NEK11: variants seen among roughly 807,000 people sequenced by gnomAD.
NEK11 encodes serine/threonine-protein kinase Nek11.
Under a neutral mutation model 80.7 loss-of-function variants are expected in NEK11, and 72 were observed. The ratio of observed to expected loss-of-function variants is 0.89; its 90% CI spans 0.74 to 1.08. The LOEUF is 1.08. Ranked by LOEUF, NEK11 falls within the 50% of genes least tolerant of loss-of-function variation. The pLI, the probability that NEK11 is intolerant of heterozygous loss-of-function variation, is 0.00. For missense variants in NEK11, 764 were observed against 763.6 expected (o/e 1.00, Z -0.01); for synonymous variants, 251 against 260.7 (o/e 0.96, Z 0.36).
chr3:131,159,117 T>TA (rs1579289339), intron 10 of NEK11, among the ~76,000 whole-genome samples: 1 of 151,984 alleles, frequency 6.6e-6, no homozygotes, highest in East Asian at 1.9e-4. Context: ...TCAAGTAGAA[T>TA]AAAAGGAAAA....
Position 131,260,115 on chromosome 3 carries a change from G to T in NEK11, c.1622-13363G>T, listed in dbSNP as rs111556063. On this transcript the variant is annotated intron_variant, in intron 16 of 17. Coordinates refer to ENST00000383366, the MANE Select transcript of NEK11 (RefSeq NM_024800.5). ...AAGTCATGGGGCTGTCATCTGGAGAGGTGGAGAAATGAGATGGAAGACATA... is the reference window on the plus strand; with the variant it reads ...AAGTCATGGGGCTGTCATCTGGAGATGTGGAGAAATGAGATGGAAGACATA... 9.6e-3 allele frequency among the ~76,000 whole-genome samples: 1,468 copies of T among 152,144 alleles called. 17 individuals carry two copies. The highest frequency in any genetic ancestry group is 0.032 in the African/African-American group (1,313 of 41,498).
intron 17 of NEK11, among the ~76,000 whole-genome samples, chr3:131,316,799 T>C (rs1296910398): frequency 6.6e-6 from 1 of 152,104 alleles, no homozygotes; most frequent in Non-Finnish European, 1.5e-5. Flanking sequence ...GCTTGCGAGT[T>C]TTTTGAAGTT....
At chr3:131,305,169 G>A (rs918340829) in intron 17 of NEK11, among the ~76,000 whole-genome samples, 5 of 151,998 alleles carry the variant, frequency 3.3e-5, no homozygotes, top group Admixed American at 3.3e-4. Context: ...TGGCGGGGGA[G>A]GGAGGGAAGG....
intron 5 of NEK11, among the ~76,000 whole-genome samples, chr3:131,119,139 A>G (rs1008566612): frequency 6.6e-6 from 1 of 152,116 alleles, no homozygotes; most frequent in Non-Finnish European, 1.5e-5. Context: ...TCACCGCTTT[A>G]AATGTGTCCC....
chr3:131,265,179 C>T (rs547642423), intron 16 of NEK11, among the ~76,000 whole-genome samples: 1 of 152,244 alleles, frequency 6.6e-6, no homozygotes, highest in South Asian at 2.1e-4. Context: ...ATTTGACTTC[C>T]TCTTTTCCTA....
intron 12 of NEK11, among the ~76,000 whole-genome samples, chr3:131,168,366 T>A (rs1053625609): frequency 9.4e-5 from 14 of 149,104 alleles, no homozygotes; most frequent in East Asian, 3.9e-4. Context: ...TATTTATTTA[T>A]TTTTTTTTGA....
intron 17 of NEK11, among the ~76,000 whole-genome samples, chr3:131,338,274 T>TTG (rs1373803630): frequency 1.4e-5 from 2 of 147,848 alleles, no homozygotes; most frequent in Non-Finnish European, 3.0e-5. Flanking sequence ...TGGTTTTTTT[T>TTG]TTTTTTTTTT....
chr3:131,297,078 T>G (rs939213218), intron 17 of NEK11, among the ~76,000 whole-genome samples: 4 of 152,232 alleles, frequency 2.6e-5, no homozygotes, highest in African/African-American at 9.6e-5. Context: ...ACATTTGGGT[T>G]GTTTCCAAGT....
chr3:131,255,122 A>AAGAAAGAAAGAG (rs2095792360), intron 16 of NEK11, among the ~76,000 whole-genome samples: 1 of 144,570 alleles, frequency 6.9e-6, no homozygotes, highest in East Asian at 2.1e-4. Context: ...GAAAGAAAGA[A>AAGAAAGAAAGAG]AGAAAGAGAG....
intron 14 of NEK11, among the ~76,000 whole-genome samples, chr3:131,212,505 C>A (rs1356092830): frequency 6.6e-6 from 1 of 151,440 alleles, no homozygotes; most frequent in Non-Finnish European, 1.5e-5. Context: ...CTTGGAGAAC[C>A]ACTGCTGTCT....
intron 16 of NEK11, among the ~76,000 whole-genome samples, chr3:131,258,612 C>A (rs1272925539): frequency 3.9e-5 from 6 of 152,198 alleles, no homozygotes; most frequent in Non-Finnish European, 8.8e-5. Context: ...AAAAAACAGA[C>A]ACTTCGTCTC....
At chr3:131,130,246 A>G (rs1051122268) in intron 5 of NEK11, among the ~76,000 whole-genome samples, 1 of 152,156 alleles carries the variant, frequency 6.6e-6, no homozygotes, top group Non-Finnish European at 1.5e-5. Flanking sequence ...CATTGCTGGT[A>G]TATAGGAAAG....
At chr3:131,040,074 A>T (rs2066246121) in intron 3 of NEK11, among the ~76,000 whole-genome samples, 1 of 152,342 alleles carries the variant, frequency 6.6e-6, no homozygotes. Context: ...AAATAATGTT[A>T]TGTAGTATCA....
intron 10 of NEK11, among the ~76,000 whole-genome samples, chr3:131,161,673 A>G (rs2091611493): frequency 6.6e-6 from 1 of 152,100 alleles, no homozygotes; most frequent in African/African-American, 2.4e-5. Flanking sequence ...AGACACTGGA[A>G]TTTTTCAGAG....
intron 14 of NEK11, chr3:131,174,666 C>A (rs1463762921): frequency 5.0e-6 from 6 of 1,209,342 alleles, no homozygotes; most frequent in Non-Finnish European, 5.8e-6. Context: ...GAAATTATCC[C>A]CATTTAACTT....
In NEK11 at chr3:131,294,985, G is replaced by A. The variant is rs200712457; in HGVS notation, c.1718+21411G>A. The stretch of plus-strand genomic sequence containing the variant: ...TCTTTATATTTAAAGTGAGTTTCTC[G>A]TAATTAACATGTAGTTGGATCTTGT... On this transcript the variant is annotated intron_variant, in intron 17 of 17. Transcript: ENST00000383366. Among the ~76,000 whole-genome samples, 37 of 152,088 alleles carry A rather than the reference G, an allele frequency of 2.4e-4. No homozygotes were observed. The South Asian group carries it at 7.5e-3, about 31-fold the overall frequency.
intron 14 of NEK11, among the ~76,000 whole-genome samples, chr3:131,171,917 C>CTAAG (rs1257600631): frequency 6.6e-6 from 1 of 152,124 alleles, no homozygotes; most frequent in Non-Finnish European, 1.5e-5. Context: ...GAAGCAGATG[C>CTAAG]TAAGACTAGA....
chr3:131,210,385 A>G (rs1279508196), intron 14 of NEK11, among the ~76,000 whole-genome samples: 1 of 152,204 alleles, frequency 6.6e-6, no homozygotes, highest in African/African-American at 2.4e-5. Flanking sequence ...GGAGTGCTTT[A>G]CTTCCAACTA....
intron 4 of NEK11, among the ~76,000 whole-genome samples, chr3:131,099,805 T>C (rs999046249): frequency 2.6e-5 from 4 of 152,244 alleles, no homozygotes; most frequent in Admixed American, 6.5e-5. Flanking sequence ...TATTGATTTT[T>C]GTACATTGAT....
Sources: gnomAD v4.1 joint callset for allele counts (sites outside exome capture counted in the v4.1 genomes callset) on GRCh38, gnomAD v4.1.1 for gene constraint, MANE v1.5 for transcripts, NCBI Gene and HGNC (gene_info 2026-07-23, HGNC 2026-07-21) for gene names.